The following NAV2 variants were observed in gnomAD, a reference collection of about 807,000 sequenced individuals.
The protein encoded by NAV2 is helicase, APC down-regulated 1.
Under a neutral mutation model 223.2 loss-of-function variants are expected in NAV2, and 54 were observed. The observed-to-expected ratio is 0.24, with a 90% confidence interval of 0.19 to 0.30. The LOEUF (loss-of-function observed/expected upper bound fraction) is 0.30. Ranked by LOEUF, NAV2 falls within the 10% of genes least tolerant of loss-of-function variation. The probability of loss-of-function intolerance (pLI) is 1.00; values close to 1 mark genes in which losing one functional copy is unlikely to be tolerated. For synonymous variants in NAV2, 1,279 were observed against 1,239.3 expected (o/e 1.03, Z -0.67); for missense variants, 2,806 against 3,147.5 (o/e 0.89, Z 2.60).
chr11:19,801,419 G>A (rs2058247763), intron 1 of NAV2, among the ~76,000 whole-genome samples: 1 of 152,242 alleles, frequency 6.6e-6, no homozygotes, highest in African/African-American at 2.4e-5. Context: ...TCCAAGCCCA[G>A]CATTGCTTCA....
chr11:19,991,993 G>A (rs2051382444), intron 11 of NAV2, among the ~76,000 whole-genome samples: 1 of 152,026 alleles, frequency 6.6e-6, no homozygotes, highest in Non-Finnish European at 1.5e-5. Context: ...GCATTTTTCA[G>A]TCCTGCATTC....
At chr11:19,726,940 A>G (rs1389152959) in intron 1 of NAV2, among the ~76,000 whole-genome samples, 2 of 152,238 alleles carry the variant, frequency 1.3e-5, no homozygotes, top group East Asian at 3.8e-4. Flanking sequence ...CTGGAGGCAC[A>G]GGCCCAACTG....
chr11:19,516,372 C>A (rs921663107), intron 1 of NAV2, among the ~76,000 whole-genome samples: 4 of 152,192 alleles, frequency 2.6e-5, no homozygotes, highest in Admixed American at 6.5e-5. Flanking sequence ...GAACTGCCAC[C>A]CTTACTAACA....
chr11:19,371,168 A>G (rs1848456432), intron 1 of NAV2, among the ~76,000 whole-genome samples: 2 of 152,160 alleles, frequency 1.3e-5, no homozygotes, highest in South Asian at 4.1e-4. Flanking sequence ...TCTGTGCCAG[A>G]CCCCATGTTA....
intron 1 of NAV2, among the ~76,000 whole-genome samples, chr11:19,831,815 C>G (rs1190055540): frequency 2.6e-5 from 4 of 152,202 alleles, no homozygotes; most frequent in African/African-American, 9.7e-5. Context: ...CTGCACACAA[C>G]AGTGTTGTGT....
At chr11:19,788,586 AG>A (rs772609849) in intron 1 of NAV2, among the ~76,000 whole-genome samples, 13 of 152,326 alleles carry the variant, frequency 8.5e-5, no homozygotes, top group Non-Finnish European at 1.8e-4. Context: ...TTCTCCATAC[AG>A]CACCAGAGAG....
intron 4 of NAV2, among the ~76,000 whole-genome samples, chr11:19,875,106 G>A (rs182242031): frequency 7.9e-4 from 121 of 152,280 alleles, no homozygotes; most frequent in African/African-American, 2.5e-3. Flanking sequence ...GCAGTGAGCT[G>A]GGATTGTGCC....
At chr11:20,058,758 A>G (rs896083351) in intron 19 of NAV2, among the ~76,000 whole-genome samples, 4 of 152,230 alleles carry the variant, frequency 2.6e-5, no homozygotes, top group African/African-American at 7.2e-5. Flanking sequence ...CCTGTTTCCT[A>G]TTCACTGAAA....
At chr11:19,636,033 T>G (rs887484479) in intron 1 of NAV2, among the ~76,000 whole-genome samples, 5 of 152,234 alleles carry the variant, frequency 3.3e-5, no homozygotes, top group Non-Finnish European at 7.3e-5. Flanking sequence ...GTGACCATTA[T>G]GCTCATGAAA....
intron 1 of NAV2, among the ~76,000 whole-genome samples, chr11:19,660,241 G>A (rs1274042219): frequency 3.9e-5 from 6 of 152,168 alleles, no homozygotes; most frequent in South Asian, 2.1e-4. Context: ...GCTTTATGCC[G>A]ACTTCACTCG....
chr11:19,765,787 G>A (rs2055181493), intron 1 of NAV2, among the ~76,000 whole-genome samples: 1 of 152,128 alleles, frequency 6.6e-6, no homozygotes, highest in African/African-American at 2.4e-5. Flanking sequence ...CATGTGGCTT[G>A]CTTCCTGCCT....
intron 1 of NAV2, among the ~76,000 whole-genome samples, chr11:19,465,965 C>T (rs779130867): frequency 3.9e-5 from 6 of 152,148 alleles, no homozygotes; most frequent in African/African-American, 7.2e-5. Context: ...AACTGTTTCC[C>T]ACAAAGTGTG....
rs56218115 is a variant in NAV2 at position 19,608,435 on chromosome 11, A to G, written c.76-224049A>G. 5.5e-3 allele frequency among the ~76,000 whole-genome samples: 844 copies of G among 152,334 alleles called. 2 individuals are homozygous for G. The highest frequency in any genetic ancestry group is 0.019 in the African/African-American group (802 of 41,582). On this transcript the variant is annotated intron_variant, in intron 1 of 37. Transcript: ENST00000360655. ...CTTATTAGTGCATGAACACAATGATACCCGTGATGTTTTTCAGAGGAAGGG... is the reference window on the plus strand; with the variant it reads ...CTTATTAGTGCATGAACACAATGATGCCCGTGATGTTTTTCAGAGGAAGGG...
chr11:20,109,102 G>A (rs61877368), intron 36 of NAV2, among the ~76,000 whole-genome samples: 104,463 of 151,660 alleles, frequency 0.69, 40,299 homozygotes, highest in Non-Finnish European at 0.88. Flanking sequence ...GTCATTTCTG[G>A]TAGGGCTGAA....
chr11:19,483,228 G>T (rs1027672632), intron 1 of NAV2, among the ~76,000 whole-genome samples: 1 of 152,228 alleles, frequency 6.6e-6, no homozygotes, highest in Non-Finnish European at 1.5e-5. Flanking sequence ...TAAATGAAAA[G>T]TTCCAGAAAT....
At chr11:19,690,994 T>G (rs749840159) in intron 1 of NAV2, among the ~76,000 whole-genome samples, 1 of 152,218 alleles carries the variant, frequency 6.6e-6, no homozygotes, top group Non-Finnish European at 1.5e-5. Context: ...GCCAAGTGCC[T>G]AGGGAATGAG....
intron 20 of NAV2, among the ~76,000 whole-genome samples, chr11:20,064,291 C>G (rs905224466): frequency 1.3e-5 from 2 of 152,202 alleles, no homozygotes; most frequent in African/African-American, 4.8e-5. Context: ...ATACCAGGCT[C>G]TGGACTAACC....
At chr11:19,352,290 C>T (rs1245710588) in intron 1 of NAV2, among the ~76,000 whole-genome samples, 1 of 152,198 alleles carries the variant, frequency 6.6e-6, no homozygotes, top group Non-Finnish European at 1.5e-5. Flanking sequence ...TAGTTGTGAA[C>T]AGAACCCAGG....
chr11:19,442,732 C>T (rs2133712283), intron 1 of NAV2, among the ~76,000 whole-genome samples: 1 of 152,288 alleles, frequency 6.6e-6, no homozygotes, highest in South Asian at 2.1e-4. Flanking sequence ...TAAACAAGTC[C>T]CCCTGTGGCT....
Sources: gnomAD v4.1 joint callset for allele counts (sites outside exome capture counted in the v4.1 genomes callset) on GRCh38, gnomAD v4.1.1 for gene constraint, MANE v1.5 for transcripts, NCBI Gene and HGNC (gene_info 2026-07-23, HGNC 2026-07-21) for gene names.